RNF185: variants seen among roughly 807,000 people sequenced by gnomAD.
RNF185 encodes the protein ring finger protein 185, also known as E3 ubiquitin-protein ligase RNF185.
RNF185 carries 13 observed loss-of-function variants against 24.9 expected under a neutral mutation model. The observed-to-expected ratio is 0.52, with a 90% confidence interval of 0.34 to 0.83. The LOEUF is 0.83. Among genes scored for constraint, RNF185 ranks in the 40% least tolerant of loss-of-function variants. RNF185 has a pLI of 0.01. For synonymous variants in RNF185, 79 were observed against 90.3 expected (o/e 0.88, Z 0.71); for missense variants, 184 against 244.7 (o/e 0.75, Z 1.65).
At chr22:31,200,576 G>C (rs1203547865) in intron 5 of RNF185, among the ~76,000 whole-genome samples, 2 of 152,182 alleles carry the variant, frequency 1.3e-5, no homozygotes, top group African/African-American at 4.8e-5. Flanking sequence ...AAAAAAGGGA[G>C]TTATTTATTC....
chr22:31,202,117 G>C (rs2048268897), intron 6 of RNF185, among the ~76,000 whole-genome samples: 1 of 152,120 alleles, frequency 6.6e-6, no homozygotes, highest in Non-Finnish European at 1.5e-5. Flanking sequence ...CATGAGGCTG[G>C]TCAGAAGCAG....
chr22:31,182,871 A>G (rs2048052445), intron 1 of RNF185: 3 of 150,960 alleles, frequency 2.0e-5, no homozygotes, highest in South Asian at 4.2e-4. Context: ...ACTTGCACCT[A>G]TCCTCCATAT....
rs1472063561 is a variant in RNF185 at position 31,205,142 on chromosome 22, C to T, written c.*556C>T. 1 of 172,512 alleles carries T rather than the reference C, an allele frequency of 5.8e-6. No individual in the cohort carries two copies. Among genetic ancestry groups the T allele is most frequent in the Middle Eastern group, 5.2e-4 (1 of 1,922 alleles). 10.7% of individuals were successfully genotyped at this position (172,512 alleles called of 1,614,324 possible). ...TGTAGAGATGCAAGAAATTGCTGTC[C>T]CATAAAAATCATAATTGCAGTAGCT... On this transcript the variant is annotated 3_prime_UTR_variant, in exon 7 of 7. Coordinates refer to ENST00000326132, the MANE Select transcript of RNF185 (RefSeq NM_152267.4).
At chr22:31,190,426 A>G (rs2147951196) in intron 2 of RNF185, among the ~76,000 whole-genome samples, 1 of 152,168 alleles carries the variant, frequency 6.6e-6, no homozygotes, top group East Asian at 1.9e-4. Flanking sequence ...AGCTGGGATT[A>G]CACATACGTG....
intron 2 of RNF185, among the ~76,000 whole-genome samples, chr22:31,191,505 A>G (rs936437043): frequency 1.3e-4 from 20 of 152,176 alleles, no homozygotes; most frequent in Admixed American, 1.2e-3. Context: ...TACACAGTAG[A>G]TATGTGTTAA....
rs184003624 is a variant in RNF185 at position 31,189,356 on chromosome 22, T to C, written c.176+2086T>C. Among the ~76,000 whole-genome samples, 514 of 123,134 alleles carry C rather than the reference T, an allele frequency of 4.2e-3. 1 individual carries two copies. The highest frequency in any genetic ancestry group is 0.015 in the African/African-American group (471 of 32,004). 80.8% of individuals were successfully genotyped at this position (123,134 alleles called of 152,430 possible). A position where few individuals can be genotyped will look rare whatever the true frequency, so the allele number is the denominator to read the frequency against. ...CCCAGGCTGGAGTACAGTGGTGCAG[T>C]CTTGGCTCACTTGCAACCTCTGCCT... On this transcript the variant is annotated intron_variant, in intron 2 of 6. Coordinates refer to ENST00000326132, the MANE Select transcript of RNF185 (RefSeq NM_152267.4).
chr22:31,202,547 T>G (rs2048272832), intron 6 of RNF185, among the ~76,000 whole-genome samples: 1 of 151,834 alleles, frequency 6.6e-6, no homozygotes, highest in Non-Finnish European at 1.5e-5. Flanking sequence ...CTGTCTGTCT[T>G]CGTGAATCCA....
rs566881221 is a variant in RNF185, at chr22:31,204,206, G to A, written c.482-283G>A. On this transcript the variant is annotated intron_variant, in intron 6 of 6. Coordinates refer to ENST00000326132, the MANE Select transcript of RNF185 (RefSeq NM_152267.4). ...AAAAATACAAAAATTAGCCAGGCTT[G>A]GTGGCGCACACCTGTAATCCCAGCT... is the stretch of plus-strand genomic sequence containing the variant. Among the ~76,000 whole-genome samples the A allele has an allele frequency of 1.5e-4, 23 of 151,888 alleles. No individual in the cohort carries two copies. The South Asian group carries it at 4.6e-3, about 30-fold the overall frequency.
intron 1 of RNF185, among the ~76,000 whole-genome samples, chr22:31,160,908 C>T (rs1169346819): frequency 6.6e-6 from 1 of 152,110 alleles, no homozygotes; most frequent in African/African-American, 2.4e-5. Flanking sequence ...GTAGGGGGGT[C>T]CTGTATATAC....
At chr22:31,161,778 A>G (rs1163557118) in intron 1 of RNF185, among the ~76,000 whole-genome samples, 1 of 151,922 alleles carries the variant, frequency 6.6e-6, no homozygotes, top group Non-Finnish European at 1.5e-5. Context: ...TAGATGTGAG[A>G]GAATTTTTGC....
rs75328815 is a variant in RNF185 at position 31,194,084 on chromosome 22, A to T, written c.195+1382A>T. Among the ~76,000 whole-genome samples, 5,453 of 151,354 alleles carry T rather than the reference A, an allele frequency of 0.036. 466 individuals are homozygous for T. The East Asian group carries it at 0.37, about 10-fold the overall frequency. Reference sequence around the variant, plus strand: ...GTTTTTTTGTCTTTTTAGTAGAGACAACGGAGTTTCACCATGTTCCCCACG... The same window carrying T: ...GTTTTTTTGTCTTTTTAGTAGAGACTACGGAGTTTCACCATGTTCCCCACG... On this transcript the variant is annotated intron_variant, in intron 3 of 6. Transcript: ENST00000326132.
intron 1 of RNF185, among the ~76,000 whole-genome samples, chr22:31,169,350 TTTTTATGCACAAA>T (rs1224431378): frequency 3.3e-5 from 5 of 152,232 alleles, no homozygotes; most frequent in African/African-American, 1.2e-4. Flanking sequence ...TGGTAGTGTC[TTTTTATGCACAAA>T]ATTTTTAAAT....
At chr22:31,180,927 G>A (rs1265593803) in intron 1 of RNF185, among the ~76,000 whole-genome samples, 1 of 144,282 alleles carries the variant, frequency 6.9e-6, no homozygotes, top group African/African-American at 2.6e-5. Flanking sequence ...GTGTGTGTGT[G>A]TGTGTGTGTG....
At chr22:31,164,689 C>T (rs1382143907) in intron 1 of RNF185, among the ~76,000 whole-genome samples, 1 of 148,442 alleles carries the variant, frequency 6.7e-6, no homozygotes, top group South Asian at 2.2e-4. Context: ...CGGGTTCAAG[C>T]GATTCTCCTG....
In RNF185 at chr22:31,182,908, T is replaced by TTTATTATTATTATTATTA. The variant is rs56373705; in HGVS notation, c.-48-4127_-48-4110dup. 828 of 143,032 alleles carry TTTATTATTATTATTATTA rather than the reference T, an allele frequency of 5.8e-3. 23 individuals are homozygous for TTTATTATTATTATTATTA. The East Asian group carries it at 0.092, about 16-fold the overall frequency. The allele number at this position is 143,032 out of a possible 1,614,324, so 8.9% of individuals were successfully genotyped here. On this transcript the variant is annotated intron_variant, in intron 1 of 6. Coordinates refer to ENST00000326132, the MANE Select transcript of RNF185 (RefSeq NM_152267.4). Reference sequence around the variant, plus strand: ...TTCTGTAAATAGGTAATTTATTTTATTTATTATTATTATTATTATTATTAT... The same window carrying TTTATTATTATTATTATTA: ...TTCTGTAAATAGGTAATTTATTTTATTTATTATTATTATTATTATTATTATTATTATTATTATTATTAT...
intron 1 of RNF185, among the ~76,000 whole-genome samples, chr22:31,160,774 T>G (rs1015977688): frequency 2.6e-5 from 4 of 152,172 alleles, no homozygotes; most frequent in African/African-American, 9.7e-5. Context: ...TTTTCTCGTC[T>G]CTAAAACGGG....
At position 31,206,416 on chromosome 22, in the gene RNF185, G is replaced by C. The variant is rs1436321844; in HGVS notation, c.*1830G>C. 6.6e-6 allele frequency: 1 copy of C among 152,430 alleles called. No individual in the cohort carries two copies. The highest frequency in any genetic ancestry group is 1.5e-5 in the Non-Finnish European group (1 of 68,060). The allele number at this position is 152,430 out of a possible 1,614,324, so 9.4% of individuals were successfully genotyped here. A position where few individuals can be genotyped will look rare whatever the true frequency, so the allele number is the denominator to read the frequency against. Reference sequence around the variant, plus strand: ...CTTCTGGAAATCCGCAAAGTTGCAGGGGCCTCTGGAGTGTCTCTTCTCTAG... The same window carrying C: ...CTTCTGGAAATCCGCAAAGTTGCAGCGGCCTCTGGAGTGTCTCTTCTCTAG... On this transcript the variant is annotated 3_prime_UTR_variant, in exon 7 of 7. Transcript: ENST00000326132.
chr22:31,169,179 G>A (rs1057464384), intron 1 of RNF185, among the ~76,000 whole-genome samples: 2 of 152,154 alleles, frequency 1.3e-5, no homozygotes, highest in African/African-American at 2.4e-5. Flanking sequence ...CCAAAGTGCT[G>A]GAATTACAGG....
chr22:31,199,637 C>A (rs549835273), intron 5 of RNF185, among the ~76,000 whole-genome samples: 1 of 152,328 alleles, frequency 6.6e-6, no homozygotes, highest in East Asian at 1.9e-4. Flanking sequence ...CTCAGGATTG[C>A]ACTGAATGAA....
Sources: gnomAD v4.1 joint callset for allele counts (sites outside exome capture counted in the v4.1 genomes callset) on GRCh38, gnomAD v4.1.1 for gene constraint, MANE v1.5 for transcripts, NCBI Gene and HGNC (gene_info 2026-07-23, HGNC 2026-07-21) for gene names.